Variants in ZNF500 observed in about 807,000 individuals in gnomAD.
ZNF500 encodes the protein zinc finger protein with KRAB and SCAN domains 18.
In ZNF500, 31 loss-of-function variants were observed where a neutral mutation model predicts 30.1. The observed-to-expected ratio is 1.03, with a 90% CI of 0.77 to 1.39. ZNF500 has a LOEUF of 1.39. ZNF500 is among the 40% of genes most tolerant of loss of function. The pLI, the probability that ZNF500 is intolerant of heterozygous loss-of-function variation, is 0.00. For missense variants in ZNF500, 817 were observed against 657.8 expected (o/e 1.24, Z -2.65); for synonymous variants, 392 against 282.0 (o/e 1.39, Z -3.91).
Position 4,761,526 on chromosome 16 carries a change from C to T in ZNF500, c.663+745G>A, listed in dbSNP as rs1027682404. 2.2e-4 allele frequency among the ~76,000 whole-genome samples: 18 copies of T among 82,844 alleles called. No individual in the cohort carries two copies. The East Asian group carries it at 2.7e-3, about 13-fold the overall frequency. 54.3% of individuals were successfully genotyped at this position (82,844 alleles called of 152,430 possible). On this transcript the variant is annotated intron_variant, in intron 4 of 5. Transcript: ENST00000219478. ...ACACACACACACACACACACACACACATATAAAAATTATAAATAAATAAAT... is the reference window on the plus strand; with the variant it reads ...ACACACACACACACACACACACACATATATAAAAATTATAAATAAATAAAT...
intron 5 of ZNF500, chr16:4,758,491 TCA>T (rs2082162373): frequency 6.6e-6 from 1 of 152,216 alleles, no homozygotes; most frequent in Non-Finnish European, 1.5e-5. Flanking sequence ...TAATGTGCGC[TCA>T]GAGATCTTCA....
At chr16:4,762,189 G>A (rs977121343) in intron 4 of ZNF500, 82 bp downstream of exon 4, 12 of 1,478,268 alleles carry the variant, frequency 8.1e-6, no homozygotes, top group Non-Finnish European at 1.1e-5. Context: ...CCCAGGAGAG[G>A]TGTCCCCTTA....
At chr16:4,755,141 C>G (rs1460961630) in intron 5 of ZNF500, among the ~76,000 whole-genome samples, 1 of 152,218 alleles carries the variant, frequency 6.6e-6, no homozygotes, top group Admixed American at 6.5e-5. Flanking sequence ...ATTACCAGGT[C>G]TCAGGTATTT....
At chr16:4,761,982 T>A (rs924897274) in intron 4 of ZNF500, among the ~76,000 whole-genome samples, 1 of 152,264 alleles carries the variant, frequency 6.6e-6, no homozygotes, top group East Asian at 1.9e-4. Flanking sequence ...TCCCAAGAGA[T>A]TCCTGTGCCC....
At chr16:4,746,231 A>G, downstream of ZNF500, 1 of 884,488 alleles carries the variant, frequency 1.1e-6, no homozygotes, top group South Asian at 1.7e-5. Flanking sequence ...AGAGTAAAAG[A>G]GCAAATGTGT....
At chr16:4,756,402 T>C (rs887246168) in intron 5 of ZNF500, 3 of 152,016 alleles carry the variant, frequency 2.0e-5, no homozygotes, top group African/African-American at 7.2e-5. Flanking sequence ...GAGAATTGCT[T>C]GAACCCAGGA....
rs529081883 is a variant in ZNF500, at chr16:4,762,992, C to G, written c.415-236G>C. The stretch of plus-strand genomic sequence containing the variant: ...ATCGTTTCCCCATCACATTCTTACC[C>G]TCTATTCCTTGGTCCTCCTGATAGA... On this transcript the variant is annotated intron_variant, in intron 2 of 5. Transcript: ENST00000219478. 6 of 985,448 alleles carry G rather than the reference C, an allele frequency of 6.1e-6. No individual in the cohort carries two copies. In the South Asian group the frequency reaches 1.4e-4, roughly 23 times the overall value. The allele number at this position is 985,448 out of a possible 1,614,324, so 61.0% of individuals were successfully genotyped here.
intron 5 of ZNF500, among the ~76,000 whole-genome samples, chr16:4,759,205 A>C (rs938206030): frequency 5.4e-5 from 8 of 148,432 alleles, no homozygotes; most frequent in African/African-American, 2.1e-4. Flanking sequence ...ACAGAGCAAG[A>C]CTTCATCTCA....
rs1194939819 is a variant in ZNF500 at position 4,749,294 on chromosome 16, T to C, written c.*3082A>G. 1.3e-5 allele frequency: 2 copies of C among 154,500 alleles called. No homozygotes were observed. The highest frequency in any genetic ancestry group is 2.9e-5 in the Non-Finnish European group (2 of 68,252). The allele number at this position is 154,500 out of a possible 1,614,324, so 9.6% of individuals were successfully genotyped here. On this transcript the variant is annotated 3_prime_UTR_variant, in exon 6 of 6. Coordinates refer to ENST00000219478, the MANE Select transcript of ZNF500 (RefSeq NM_021646.4). ...GCTGTCAAGAGCAAAGGCTTTTTTTTTCTTCAACCCCATTTTCTTCCATTT... is the reference window on the plus strand; with the variant it reads ...GCTGTCAAGAGCAAAGGCTTTTTTTCTCTTCAACCCCATTTTCTTCCATTT...
At chr16:4,757,909 T>TA (rs1321992601) in intron 5 of ZNF500, among the ~76,000 whole-genome samples, 1 of 150,182 alleles carries the variant, frequency 6.7e-6, no homozygotes, top group Non-Finnish European at 1.5e-5. Context: ...CCAATTTTTT[T>TA]TTTTTTTTTG....
intron 2 of ZNF500, chr16:4,763,510 T>G: frequency 5.1e-6 from 5 of 979,314 alleles, no homozygotes; most frequent in Non-Finnish European, 6.1e-6. Context: ...GTCTTAGAAT[T>G]GAGCTCTGCA....
intron 4 of ZNF500, 119 bp downstream of exon 4, chr16:4,762,152 G>C: frequency 1.7e-6 from 2 of 1,157,692 alleles, no homozygotes; most frequent in East Asian, 2.6e-5. Context: ...CCAGGGAAGA[G>C]CTCCTCTGAC....
At chr16:4,747,436 G>T, downstream of ZNF500, 4 of 1,613,080 alleles carry the variant, frequency 2.5e-6, no homozygotes, top group Non-Finnish European at 3.4e-6. Context: ...AGGGGCCCGC[G>T]GGTGGGAGGG....
chr16:4,757,112 T>C (rs891767275), intron 5 of ZNF500, among the ~76,000 whole-genome samples: 1 of 152,184 alleles, frequency 6.6e-6, no homozygotes, highest in African/African-American at 2.4e-5. Flanking sequence ...TGTACAACAC[T>C]GTGAAGATAC....
Position 4,760,509 on chromosome 16 carries a change from G to A in ZNF500, c.743C>T (p.Ala248Val), listed in dbSNP as rs772622536. The A allele has an allele frequency of 1.2e-5, 20 of 1,613,316 alleles. No individual in the cohort carries two copies. Among genetic ancestry groups the A allele is most frequent in the African/African-American group, 2.7e-5 (2 of 74,918 alleles). ...CAAGTTACCTTCATTCTCCAGCGGCGCGTCCCGCTGAGCTGGGTCCATGCA... is the reference window on the plus strand; with the variant it reads ...CAAGTTACCTTCATTCTCCAGCGGCACGTCCCGCTGAGCTGGGTCCATGCA... ...PRCMDPAQRD[A>V]PLENEGPGIQ... is the part of the protein sequence containing the mutation. Residue 248 changes from alanine to valine, a missense_variant, in exon 5 of 6, where the codon GCG becomes GTG. Physicochemically the swap from Ala to Val is moderately conservative, Grantham distance 64. Coordinates refer to ENST00000219478, the MANE Select transcript of ZNF500 (RefSeq NM_021646.4).
intron 5 of ZNF500, among the ~76,000 whole-genome samples, chr16:4,759,223 A>G (rs918047915): frequency 7.2e-5 from 11 of 151,932 alleles, no homozygotes; most frequent in Non-Finnish European, 1.3e-4. Flanking sequence ...TCAAAAAAAA[A>G]AAAAAACCCT....
rs1271645388 is a variant in ZNF500 at position 4,760,474 on chromosome 16, CA to C, written c.760+17del. 1 of 1,612,122 alleles carries C rather than the reference CA, an allele frequency of 6.2e-7. No individual in the cohort carries two copies. Among genetic ancestry groups the C allele is most frequent in the Admixed American group, 1.7e-5 (1 of 59,798 alleles). On this transcript the variant is annotated intron_variant, in intron 5 of 5. Transcript: ENST00000219478. ...TTTTTGGCAAGCCCCCTAGAGGACA[CA>C]ATCACTTGCAAGTTACCTTCATTCT...
chr16:4,759,811 C>T (rs1052565636), intron 5 of ZNF500, among the ~76,000 whole-genome samples: 74 of 152,154 alleles, frequency 4.9e-4, no homozygotes, highest in African/African-American at 1.7e-3. Context: ...CCTAGGCCAG[C>T]GGATCACCTG....
chr16:4,753,136 C>A, intron 5 of ZNF500, 78 bp from the exon 6 acceptor site: 1 of 1,481,042 alleles, frequency 6.8e-7, no homozygotes, highest in Non-Finnish European at 8.9e-7. Flanking sequence ...AAAATGAAGG[C>A]CTCACAGGGC....
Sources: allele counts gnomAD v4.1 joint callset (sites outside exome capture counted in the v4.1 genomes callset), GRCh38; gene constraint gnomAD v4.1.1; transcripts MANE v1.5; gene names NCBI Gene and HGNC (gene_info 2026-07-23, HGNC 2026-07-21).